The following MORC3 variants were observed in gnomAD, a reference collection of about 807,000 sequenced individuals.
MORC3 encodes the protein MORC family CW-type zinc finger protein 3.
Under a neutral mutation model 109.1 loss-of-function variants are expected in MORC3, and 31 were observed. The observed-to-expected ratio is 0.28, with a 90% CI of 0.21 to 0.38. The LOEUF (loss-of-function observed/expected upper bound fraction) is 0.38, where lower values mean the gene tolerates loss of function less well. Ranked by LOEUF, MORC3 falls within the 10% of genes least tolerant of loss-of-function variation. The pLI, the probability that MORC3 is intolerant of heterozygous loss-of-function variation, is 1.00. For synonymous variants in MORC3, 395 were observed against 380.7 expected, an observed-to-expected ratio of 1.04 and a Z score of -0.44; for missense variants, 867 against 1,135.8, an observed-to-expected ratio of 0.76 and a Z score of 3.40.
At chr21:36,354,037 C>T (rs1274940387) in intron 9 of MORC3, among the ~76,000 whole-genome samples, 1 of 150,938 alleles carries the variant, frequency 6.6e-6, no homozygotes, top group African/African-American at 2.4e-5. Context: ...CGCCATTGCA[C>T]CCTAGACTGG....
chr21:36,344,056 G>C (rs571622638), intron 6 of MORC3, among the ~76,000 whole-genome samples: 3 of 152,086 alleles, frequency 2.0e-5, no homozygotes, highest in Middle Eastern at 6.8e-3. Flanking sequence ...TTTAAATGAC[G>C]CAAAGCACCA....
At chr21:36,367,079 C>T (rs991392102) in intron 14 of MORC3, among the ~76,000 whole-genome samples, 6 of 152,174 alleles carry the variant, frequency 3.9e-5, no homozygotes, top group Non-Finnish European at 7.3e-5. Flanking sequence ...AACTTAAAGT[C>T]GAGACCTCTT....
chr21:36,346,061 C>A (rs113521620), intron 8 of MORC3, among the ~76,000 whole-genome samples: 4 of 151,960 alleles, frequency 2.6e-5, no homozygotes, highest in Admixed American at 1.3e-4. Context: ...CACTCTGTCA[C>A]CCAGGCTGGA....
chr21:36,332,495 C>T (rs1307534401), intron 1 of MORC3, among the ~76,000 whole-genome samples: 5 of 152,120 alleles, frequency 3.3e-5, no homozygotes, highest in African/African-American at 9.7e-5. Context: ...TGGCCTGCAA[C>T]GTGATCAGGC....
intron 8 of MORC3, 83 bp downstream of exon 8, chr21:36,345,114 A>T (rs2085492990): frequency 7.5e-7 from 1 of 1,341,332 alleles, no homozygotes; most frequent in East Asian, 2.5e-5. Flanking sequence ...TCAAATGTTA[A>T]ATAATTTTAT....
At chr21:36,334,615 G>A (rs1458896033) in intron 2 of MORC3, among the ~76,000 whole-genome samples, 2 of 152,054 alleles carry the variant, frequency 1.3e-5, no homozygotes, top group African/African-American at 2.4e-5. Context: ...ATGTTTATTA[G>A]TAGTACAAAA....
At position 36,369,571 on chromosome 21, in the gene MORC3, A is replaced by G. The variant is rs1279479642; in HGVS notation, c.2203A>G (p.Asn735Asp). Reference protein sequence around the residue: ...KVLQQRILEMNDKYVKKETCH... With the variant: ...KVLQQRILEMDDKYVKKETCH... The stretch of plus-strand genomic sequence containing the variant: ...GTTACAACAGAGGATACTAGAAATG[A>G]ATGACAAGTATGTTAAGAAAGAAAC... The change falls in exon 15 of 17, where the codon AAT becomes GAT. Residue 735 changes from asparagine to aspartate, a missense_variant. Asn to Asp is a conservative substitution (Grantham distance 23). Coordinates refer to ENST00000400485, the MANE Select transcript of MORC3 (RefSeq NM_015358.3). 1 of 1,614,128 alleles carries G rather than the reference A, an allele frequency of 6.2e-7. No homozygotes were observed. Among genetic ancestry groups the G allele is most frequent in the Admixed American group, 1.7e-5 (1 of 60,000 alleles).
rs748042243 is a variant in MORC3 at position 36,351,057 on chromosome 21, C to CTTTTT, written c.1103+1671_1103+1675dup. ...GTTATTGTTAACTACGGTTGTCCTC[C>CTTTTT]TTTTTTTTTTTTTTTTTTTTTTTTT... On this transcript the variant is annotated intron_variant, in intron 9 of 16. Transcript: ENST00000400485. 4.1e-4 allele frequency among the ~76,000 whole-genome samples: 29 copies of CTTTTT among 71,428 alleles called. 1 individual carries two copies. The highest frequency in any genetic ancestry group is 5.6e-4 in the South Asian group (1 of 1,800). The allele number at this position is 71,428 out of a possible 152,430, so 46.9% of individuals were successfully genotyped here.
chr21:36,328,019 G>T (rs1363959078), intron 1 of MORC3, among the ~76,000 whole-genome samples: 1 of 151,936 alleles, frequency 6.6e-6, no homozygotes, highest in Non-Finnish European at 1.5e-5. Context: ...TGGGATTACA[G>T]GTGTGTGCCA....
chr21:36,353,336 A>G (rs2146319514), intron 9 of MORC3, among the ~76,000 whole-genome samples: 1 of 131,396 alleles, frequency 7.6e-6, no homozygotes, highest in East Asian at 2.8e-4. Flanking sequence ...CAGTTTGGTG[A>G]CAGAGAGAGA....
chr21:36,374,312 A>T (rs989989202), intron 16 of MORC3, among the ~76,000 whole-genome samples: 6 of 152,038 alleles, frequency 3.9e-5, no homozygotes, highest in African/African-American at 1.4e-4. Context: ...GCTGGTCTTG[A>T]ACTCCTGACC....
intron 1 of MORC3, among the ~76,000 whole-genome samples, chr21:36,328,498 G>A (rs1299630764): frequency 1.3e-5 from 2 of 152,060 alleles, no homozygotes; most frequent in African/African-American, 2.4e-5. Context: ...GCACCACCAC[G>A]CCTGGATATT....
chr21:36,369,206 T>C lies in MORC3; in HGVS notation c.1838T>C (p.Val613Ala). 6.2e-7 allele frequency: 1 copy of C among 1,614,176 alleles called. No individual in the cohort carries two copies. The highest frequency in any genetic ancestry group is 2.2e-5 in the East Asian group (1 of 44,882). The change falls in exon 15 of 17, where the codon GTG (valine) becomes GCG (alanine). Residue 613 changes from valine to alanine, a missense_variant. Around this residue, in one of 7 missense-constraint regions of MORC3, gnomAD observed 486 missense variants for 502.1 expected, o/e 0.97. Transcript: ENST00000400485. ...CAAGGTGGTGTTCAGGTTGAGTTTG[T>C]GGGTGACAGTGAACCTTGTGGCCAG... ...VEQGGVQVEFVGDSEPCGQTG... is the reference protein window; with the variant it reads ...VEQGGVQVEFAGDSEPCGQTG...
intron 10 of MORC3, among the ~76,000 whole-genome samples, chr21:36,359,155 A>G (rs2085682689): frequency 6.6e-6 from 1 of 152,230 alleles, no homozygotes; most frequent in Non-Finnish European, 1.5e-5. Context: ...AATATATTGT[A>G]GATTTAACAT....
intron 14 of MORC3, among the ~76,000 whole-genome samples, chr21:36,368,763 G>A (rs1449159108): frequency 6.6e-6 from 1 of 152,140 alleles, no homozygotes; most frequent in East Asian, 1.9e-4. Flanking sequence ...TGTAATCCCA[G>A]CTCCTCAGGA....
chr21:36,375,592 G>A lies in MORC3; in HGVS notation c.*296G>A, dbSNP rs2146349392. On this transcript the variant is annotated 3_prime_UTR_variant, in exon 17 of 17. Transcript: ENST00000400485. ...TTTTATTGCCCTAGAGTACTCAAGT[G>A]TTTTTCACCAAGAGCTTTTCAGGTT... 5.5e-6 allele frequency: 1 copy of A among 181,970 alleles called. No individual in the cohort carries two copies. The highest frequency in any genetic ancestry group is 2.4e-5 in the African/African-American group (1 of 42,370). 11.3% of individuals were successfully genotyped at this position (181,970 alleles called of 1,614,324 possible). A position where few individuals can be genotyped will look rare whatever the true frequency, so the allele number is the denominator to read the frequency against.
intron 5 of MORC3, among the ~76,000 whole-genome samples, chr21:36,339,844 A>G (rs1470266303): frequency 1.3e-5 from 2 of 152,158 alleles, no homozygotes; most frequent in Non-Finnish European, 2.9e-5. Flanking sequence ...TCTTGCTTTC[A>G]CTTCCCTACC....
rs776744550 is a variant in MORC3, at chr21:36,350,282, C to T, written c.1103+874C>T. Among the ~76,000 whole-genome samples, 135 of 151,728 alleles carry T rather than the reference C, an allele frequency of 8.9e-4. 2 individuals carry two copies. The highest frequency in any genetic ancestry group is 4.6e-4 in the Admixed American group (7 of 15,190). The stretch of plus-strand genomic sequence containing the variant: ...AAGATGGCGCCACTGTACTCCAACC[C>T]GATGACAGAGTGAGATCCCGTCTCA... On this transcript the variant is annotated intron_variant, in intron 9 of 16. Coordinates refer to ENST00000400485, the MANE Select transcript of MORC3 (RefSeq NM_015358.3).
intron 10 of MORC3, among the ~76,000 whole-genome samples, chr21:36,358,034 C>T (rs1601532646): frequency 1.3e-5 from 2 of 152,118 alleles, no homozygotes; most frequent in East Asian, 3.9e-4. Flanking sequence ...AGCCACCGCG[C>T]TCATCCTGTT....
Sources: allele counts gnomAD v4.1 joint callset (sites outside exome capture counted in the v4.1 genomes callset), GRCh38; gene constraint gnomAD v4.1.1; regional missense constraint gnomAD v4.1.1; transcripts MANE v1.5; gene names NCBI Gene and HGNC (gene_info 2026-07-23, HGNC 2026-07-21).